Variants in KCNIP1 observed in about 807,000 individuals in gnomAD.
The protein encoded by KCNIP1 is A-type potassium channel modulatory protein KCNIP1.
KCNIP1 carries 18 observed loss-of-function variants against 33.0 expected under a neutral mutation model. The observed-to-expected ratio is 0.55, with a 90% CI of 0.38 to 0.81. The LOEUF (loss-of-function observed/expected upper bound fraction) is 0.81, where lower values mean the gene tolerates loss of function less well. KCNIP1 is among the 30% of genes least tolerant of loss of function. The pLI is 0.00. For missense variants in KCNIP1, 238 were observed against 271.6 expected (o/e 0.88, Z 0.87); for synonymous variants, 93 against 98.3 (o/e 0.95, Z 0.32).
intron 1 of KCNIP1, among the ~76,000 whole-genome samples, chr5:170,707,839 A>T (rs1271986516): frequency 6.6e-6 from 1 of 152,162 alleles, no homozygotes; most frequent in Non-Finnish European, 1.5e-5. Context: ...TGAGGTATAT[A>T]AATGAATGAG....
chr5:170,363,155 G>A (rs1763560109), intron 1 of KCNIP1, among the ~76,000 whole-genome samples: 1 of 152,130 alleles, frequency 6.6e-6, no homozygotes, highest in South Asian at 2.1e-4. Flanking sequence ...TCCAAACCAG[G>A]GGCTTTGAGA....
chr5:170,625,388 C>T (rs376750597), intron 1 of KCNIP1, among the ~76,000 whole-genome samples: 4 of 152,320 alleles, frequency 2.6e-5, no homozygotes, highest in East Asian at 1.9e-4. Flanking sequence ...CTGCACTACA[C>T]GTCTGCAGCT....
At chr5:170,728,497 T>G (rs1764081999) in intron 5 of KCNIP1, among the ~76,000 whole-genome samples, 1 of 152,174 alleles carries the variant, frequency 6.6e-6, no homozygotes, top group African/African-American at 2.4e-5. Flanking sequence ...TGACTGGTAA[T>G]AAAATACATA....
intron 1 of KCNIP1, among the ~76,000 whole-genome samples, chr5:170,563,812 G>A (rs1561689051): frequency 6.6e-6 from 1 of 152,074 alleles, no homozygotes; most frequent in Non-Finnish European, 1.5e-5. Flanking sequence ...GGCTAATTTT[G>A]TATTTTTAGT....
intron 1 of KCNIP1, among the ~76,000 whole-genome samples, chr5:170,424,583 A>T (rs1396562009): frequency 6.6e-6 from 1 of 152,154 alleles, no homozygotes; most frequent in African/African-American, 2.4e-5. Context: ...GGGGTGGGGC[A>T]GGGTAGATAC....
chr5:170,435,356 T>C (rs73800672), intron 1 of KCNIP1, among the ~76,000 whole-genome samples: 121 of 152,344 alleles, frequency 7.9e-4, no homozygotes, highest in African/African-American at 2.8e-3. Context: ...TGTTAGCATA[T>C]TTCAGAGGTT....
chr5:170,565,746 T>C (rs1757183257), intron 1 of KCNIP1, among the ~76,000 whole-genome samples: 1 of 152,236 alleles, frequency 6.6e-6, no homozygotes, highest in African/African-American at 2.4e-5. Flanking sequence ...ACTTTCTCCA[T>C]GTGGGACTTC....
At chr5:170,353,695 C>G in exon 1 of KCNIP1, 1 of 617,816 alleles carries the variant, frequency 1.6e-6, no homozygotes, top group Non-Finnish European at 2.9e-6. Flanking sequence ...CCTGCAGGCT[C>G]TCTGGATGCA....
At chr5:170,694,956 C>T (rs1398474929) in intron 1 of KCNIP1, among the ~76,000 whole-genome samples, 1 of 152,202 alleles carries the variant, frequency 6.6e-6, no homozygotes, top group Non-Finnish European at 1.5e-5. Flanking sequence ...CTTGTCATAG[C>T]TTTATTGACT....
chr5:170,588,704 C>G (rs1581365622), intron 1 of KCNIP1, among the ~76,000 whole-genome samples: 2 of 152,282 alleles, frequency 1.3e-5, no homozygotes, highest in African/African-American at 4.8e-5. Context: ...GAAGCTTTAT[C>G]CCAAGGCTTC....
intron 1 of KCNIP1, among the ~76,000 whole-genome samples, chr5:170,591,835 A>G (rs1758273870): frequency 6.6e-6 from 1 of 152,172 alleles, no homozygotes; most frequent in African/African-American, 2.4e-5. Context: ...TTGTTTATCC[A>G]TTCACTTGTC....
chr5:170,403,659 G>T (rs1482551730), intron 1 of KCNIP1, among the ~76,000 whole-genome samples: 26 of 152,198 alleles, frequency 1.7e-4, no homozygotes, highest in Admixed American at 1.7e-3. Context: ...GCTCCTCTGG[G>T]ATGGAAGCCG....
chr5:170,597,784 A>AATATATATATATATATAT (rs10525595), intron 1 of KCNIP1, among the ~76,000 whole-genome samples: 14 of 134,476 alleles, frequency 1.0e-4, no homozygotes, highest in South Asian at 2.5e-4. Flanking sequence ...GAGAGAGATA[A>AATATATATATATATATAT]ATATATATAT....
At chr5:170,523,384 T>C (rs74417832) in intron 1 of KCNIP1, among the ~76,000 whole-genome samples, 12 of 152,324 alleles carry the variant, frequency 7.9e-5, no homozygotes, top group African/African-American at 2.6e-4. Context: ...GCATGGATAA[T>C]TACACGATTC....
At chr5:170,718,961 A>C in intron 2 of KCNIP1, 79 bp downstream of exon 2, 11 of 1,542,996 alleles carry the variant, frequency 7.1e-6, no homozygotes, top group East Asian at 2.4e-5. Flanking sequence ...AAGGGAGCTC[A>C]TAAGGCGTTT....
chr5:170,556,017 AC>A (rs1299147313), intron 1 of KCNIP1, among the ~76,000 whole-genome samples: 1 of 151,970 alleles, frequency 6.6e-6, no homozygotes. Context: ...TGCTAGGAAA[AC>A]CTTTGGCCCA....
At chr5:170,657,831 T>C (rs1472632369) in intron 1 of KCNIP1, among the ~76,000 whole-genome samples, 1 of 152,192 alleles carries the variant, frequency 6.6e-6, no homozygotes, top group African/African-American at 2.4e-5. Context: ...CAGCAAACTT[T>C]GACTGCACAG....
chr5:170,560,396 G>A (rs1206746590), intron 1 of KCNIP1, among the ~76,000 whole-genome samples: 1 of 152,140 alleles, frequency 6.6e-6, no homozygotes, highest in Non-Finnish European at 1.5e-5. Flanking sequence ...AGGCAGCCCT[G>A]GCAAAGCCCC....
intron 1 of KCNIP1, among the ~76,000 whole-genome samples, chr5:170,604,632 G>C (rs1758829719): frequency 6.6e-6 from 1 of 152,120 alleles, no homozygotes; most frequent in South Asian, 2.1e-4. Context: ...GAAAATTGAG[G>C]TCCTATTCCC....
Sources: allele counts gnomAD v4.1 joint callset (sites outside exome capture counted in the v4.1 genomes callset), GRCh38; gene constraint gnomAD v4.1.1; transcripts MANE v1.5; gene names NCBI Gene and HGNC (gene_info 2026-07-23, HGNC 2026-07-21).